Variants in PHLDB2 observed in about 807,000 individuals in gnomAD.
PHLDB2 encodes pleckstrin homology-like domain family B member 2.
Under a neutral mutation model 123.6 loss-of-function variants are expected in PHLDB2, and 71 were observed. The observed-to-expected ratio is 0.57, with a 90% CI of 0.47 to 0.70. The LOEUF (loss-of-function observed/expected upper bound fraction) is 0.70, where lower values mean the gene tolerates loss of function less well. Ranked by LOEUF, PHLDB2 falls within the 30% of genes least tolerant of loss-of-function variation. The probability of loss-of-function intolerance (pLI) is 0.00; values close to 1 mark genes in which losing one functional copy is unlikely to be tolerated. For missense variants in PHLDB2, 1,446 were observed against 1,519.5 expected, an observed-to-expected ratio of 0.95 and a Z score of 0.80; for synonymous variants, 547 against 541.6, an observed-to-expected ratio of 1.01 and a Z score of -0.14.
At chr3:111,758,531 G>A (rs1163976902) in intron 1 of PHLDB2, among the ~76,000 whole-genome samples, 1 of 152,194 alleles carries the variant, frequency 6.6e-6, no homozygotes, top group Non-Finnish European at 1.5e-5. Flanking sequence ...ACTAGGAAAG[G>A]GAACTGCCTG....
At chr3:111,972,129 T>C (rs1325889997) in intron 16 of PHLDB2, among the ~76,000 whole-genome samples, 1 of 152,168 alleles carries the variant, frequency 6.6e-6, no homozygotes, top group East Asian at 1.9e-4. Context: ...TGCTTTTATC[T>C]CCAGATTTTA....
At chr3:111,947,091 T>G (rs1264527793) in intron 9 of PHLDB2, among the ~76,000 whole-genome samples, 2 of 152,124 alleles carry the variant, frequency 1.3e-5, no homozygotes, top group African/African-American at 4.8e-5. Context: ...TTTAGTGAGA[T>G]AGGGAAAACT....
chr3:111,901,995 A>G (rs1237986327), intron 2 of PHLDB2, among the ~76,000 whole-genome samples: 1 of 152,176 alleles, frequency 6.6e-6, no homozygotes, highest in Non-Finnish European at 1.5e-5. Flanking sequence ...TTTCTTTAAA[A>G]TGATATATTT....
intron 1 of PHLDB2, among the ~76,000 whole-genome samples, chr3:111,801,974 CA>C (rs11309059): frequency 0.26 from 39,767 of 152,014 alleles, 5,409 homozygotes; most frequent in Non-Finnish European, 0.29. Context: ...TCACAAATAT[CA>C]TCAAATTCTA....
chr3:111,886,384 A>G (rs2066163830), intron 2 of PHLDB2, among the ~76,000 whole-genome samples: 1 of 152,132 alleles, frequency 6.6e-6, no homozygotes, highest in Non-Finnish European at 1.5e-5. Flanking sequence ...AAGGCCCACA[A>G]TGGCTTTGAA....
intron 1 of PHLDB2, among the ~76,000 whole-genome samples, chr3:111,792,125 A>G (rs1361374378): frequency 6.6e-6 from 1 of 152,116 alleles, no homozygotes; most frequent in Non-Finnish European, 1.5e-5. Flanking sequence ...ACATGTTTTC[A>G]TGATGTTGAT....
At chr3:111,791,328 G>A (rs943597543) in intron 1 of PHLDB2, among the ~76,000 whole-genome samples, 1 of 152,098 alleles carries the variant, frequency 6.6e-6, no homozygotes, top group South Asian at 2.1e-4. Context: ...GGACTTTCTG[G>A]GTCTTAGGTA....
chr3:111,882,785 G>A (rs545010693), intron 1 of PHLDB2, among the ~76,000 whole-genome samples: 8 of 152,194 alleles, frequency 5.3e-5, no homozygotes, highest in Non-Finnish European at 8.8e-5. Context: ...TAAGCAACAG[G>A]GTGAAGGTCC....
intron 10 of PHLDB2, among the ~76,000 whole-genome samples, chr3:111,951,605 G>A (rs1447925069): frequency 6.6e-6 from 1 of 151,960 alleles, no homozygotes; most frequent in Non-Finnish European, 1.5e-5. Context: ...ATATATTTAT[G>A]TTTTATTTCT....
intron 12 of PHLDB2, chr3:111,956,924 T>G (rs758906855): frequency 6.6e-6 from 1 of 152,246 alleles, no homozygotes; most frequent in Non-Finnish European, 1.5e-5. Flanking sequence ...ATATTTTCAC[T>G]AACTCACATT....
At chr3:111,817,025 C>T (rs1383761979) in intron 1 of PHLDB2, among the ~76,000 whole-genome samples, 3 of 152,234 alleles carry the variant, frequency 2.0e-5, no homozygotes, top group African/African-American at 7.2e-5. Flanking sequence ...CAAGACATGA[C>T]ATGCTCCTCC....
chr3:111,920,566 T>C (rs1157621964), intron 5 of PHLDB2, 147 bp downstream of exon 5: 6 of 991,578 alleles, frequency 6.1e-6, no homozygotes, highest in Non-Finnish European at 8.6e-6. Context: ...AATCCTAAGA[T>C]CATACATTGT....
At chr3:111,907,413 G>C (rs555043849) in intron 2 of PHLDB2, among the ~76,000 whole-genome samples, 2 of 152,312 alleles carry the variant, frequency 1.3e-5, no homozygotes, top group South Asian at 4.1e-4. Context: ...TACTCTACCA[G>C]CATTAAGCAT....
intron 4 of PHLDB2, 42 bp from the exon 5 acceptor site, chr3:111,920,240 C>T (rs1335042615): frequency 1.9e-6 from 3 of 1,592,894 alleles, no homozygotes; most frequent in Non-Finnish European, 2.6e-6. Context: ...TGAGAATATC[C>T]CCAAAGGTGA....
intron 2 of PHLDB2, among the ~76,000 whole-genome samples, chr3:111,903,268 G>A (rs1041917201): frequency 1.2e-4 from 19 of 152,330 alleles, no homozygotes; most frequent in Admixed American, 2.0e-4. Flanking sequence ...CAAGGGTGAA[G>A]TATGTGTCCT....
intron 5 of PHLDB2, among the ~76,000 whole-genome samples, chr3:111,923,490 CAT>C (rs1227911752): frequency 1.3e-5 from 2 of 152,202 alleles, no homozygotes; most frequent in Non-Finnish European, 2.9e-5. Flanking sequence ...TGGTGACTAT[CAT>C]AGGGATTTCT....
intron 9 of PHLDB2, among the ~76,000 whole-genome samples, chr3:111,946,364 A>G (rs545228709): frequency 6.6e-6 from 1 of 152,202 alleles, no homozygotes; most frequent in African/African-American, 2.4e-5. Flanking sequence ...TAAAAAGCTA[A>G]AAGAAAAGCT....
intron 1 of PHLDB2, among the ~76,000 whole-genome samples, chr3:111,814,109 A>C (rs79934709): frequency 0.064 from 9,804 of 152,266 alleles, 429 homozygotes; most frequent in South Asian, 0.16. Flanking sequence ...AAAACGTGGG[A>C]TACACCACTG....
At chr3:111,794,088 T>A (rs1403676945) in intron 1 of PHLDB2, among the ~76,000 whole-genome samples, 1 of 152,016 alleles carries the variant, frequency 6.6e-6, no homozygotes, top group African/African-American at 2.4e-5. Flanking sequence ...GGAATTGCAG[T>A]CCTTGTGGCC....
Sources: allele counts gnomAD v4.1 joint callset (sites outside exome capture counted in the v4.1 genomes callset), GRCh38; gene constraint gnomAD v4.1.1; transcripts MANE v1.5; gene names NCBI Gene and HGNC (gene_info 2026-07-23, HGNC 2026-07-21).